The following SYCP2 variants were observed in gnomAD, a reference collection of about 807,000 sequenced individuals.
SYCP2 encodes synaptonemal complex lateral element protein.
SYCP2 carries 55 observed loss-of-function variants against 211.3 expected under a neutral mutation model. The ratio of observed to expected loss-of-function variants is 0.26; its 90% CI spans 0.21 to 0.33. SYCP2 has a LOEUF of 0.33. Among genes scored for constraint, SYCP2 ranks in the 10% least tolerant of loss-of-function variants. The probability of loss-of-function intolerance (pLI) is 1.00; values close to 1 mark genes in which losing one functional copy is unlikely to be tolerated. For missense variants in SYCP2, 1,731 were observed against 1,752.0 expected, an observed-to-expected ratio of 0.99 and a Z score of 0.21; for synonymous variants, 570 against 555.2, an observed-to-expected ratio of 1.03 and a Z score of -0.37.
intron 20 of SYCP2, among the ~76,000 whole-genome samples, chr20:59,894,924 T>C: frequency 6.6e-6 from 1 of 152,060 alleles, no homozygotes; most frequent in Middle Eastern, 3.2e-3. Flanking sequence ...CAAAAGTCAA[T>C]TCATTCTCCA....
Position 59,875,264 on chromosome 20 carries a change from T to C in SYCP2, c.3349+7A>G, listed in dbSNP as rs191825484. The C allele has an allele frequency of 9.1e-5, 143 of 1,573,300 alleles. No individual in the cohort carries two copies. The African/African-American group carries it at 1.7e-3, about 19-fold the overall frequency. ...TTCAAGTAAAGAAAAAACAAAGTTA[T>C]ACTGACATCTCGTTACTTCTATAGA... On this transcript the variant is annotated splice_region_variant and intron_variant, in intron 34 of 44. Coordinates refer to ENST00000357552, the MANE Select transcript of SYCP2 (RefSeq NM_014258.4).
In SYCP2 at chr20:59,875,468, T is replaced by C. The variant is rs536467009; in HGVS notation, c.3152A>G (p.Glu1051Gly). Residue 1051 changes from glutamate (E) to glycine (G), a missense_variant and splice_region_variant, in exon 34 of 45, where the codon GAG becomes GGG. By Grantham distance (98) the Glu-to-Gly change is moderately conservative. Coordinates refer to ENST00000357552, the MANE Select transcript of SYCP2 (RefSeq NM_014258.4). The stretch of plus-strand genomic sequence containing the variant: ...TTTCATTCTGGAATGGATATTCTCC[T>C]CCTAAATGTATCAATAACTTTCAAA... ...HSFKENIPVKEENIHSRMKTV... is the reference protein window; with the variant it reads ...HSFKENIPVKGENIHSRMKTV... 8 of 1,605,036 alleles carry C rather than the reference T, an allele frequency of 5.0e-6. No individual in the cohort carries two copies. The South Asian group carries it at 8.9e-5, about 18-fold the overall frequency.
chr20:59,881,822 T>C lies in SYCP2; in HGVS notation c.2658+123A>G, dbSNP rs6027166. On this transcript the variant is annotated intron_variant, in intron 28 of 44. Coordinates refer to ENST00000357552, the MANE Select transcript of SYCP2 (RefSeq NM_014258.4). ...AGGCTGGTTATCCAAAATATTATTA[T>C]ATATTTCTTAAAAATTTTAAAGCAT... 0.064 allele frequency: 41,547 copies of C among 652,188 alleles called. 3,769 individuals are homozygous for C. Among genetic ancestry groups the C allele is most frequent in the African/African-American group, 0.35 (18,394 of 52,840 alleles). 40.4% of individuals were successfully genotyped at this position (652,188 alleles called of 1,614,324 possible).
intron 2 of SYCP2, among the ~76,000 whole-genome samples, chr20:59,928,564 T>C (rs1194007356): frequency 6.6e-6 from 1 of 152,104 alleles, no homozygotes; most frequent in East Asian, 1.9e-4. Context: ...TTATTTGATA[T>C]TAAAACATAT....
At chr20:59,898,364 A>C (rs1211172590) in intron 18 of SYCP2, among the ~76,000 whole-genome samples, 3 of 152,232 alleles carry the variant, frequency 2.0e-5, no homozygotes, top group Non-Finnish European at 4.4e-5. Context: ...TGTGGCACAT[A>C]TACATCATGG....
chr20:59,905,449 T>C (rs1486798007), intron 15 of SYCP2, among the ~76,000 whole-genome samples: 1 of 152,138 alleles, frequency 6.6e-6, no homozygotes, highest in Non-Finnish European at 1.5e-5. Context: ...AAACTACTGA[T>C]ACATGCAACA....
At chr20:59,876,704 C>T (rs1244257441) in intron 33 of SYCP2, among the ~76,000 whole-genome samples, 1 of 151,962 alleles carries the variant, frequency 6.6e-6, no homozygotes, top group Non-Finnish European at 1.5e-5. Flanking sequence ...GATTTTTAGA[C>T]ATTAAATCTG....
intron 28 of SYCP2, 47 bp from the exon 29 acceptor site, chr20:59,881,539 A>C: frequency 1.1e-6 from 1 of 930,864 alleles, no homozygotes; most frequent in Admixed American, 3.2e-5. Flanking sequence ...TGTCAAAATA[A>C]AAAAGATTAA....
chr20:59,871,389 C>G (rs1185425104), intron 35 of SYCP2, among the ~76,000 whole-genome samples: 2 of 151,798 alleles, frequency 1.3e-5, no homozygotes, highest in African/African-American at 4.8e-5. Flanking sequence ...TAAGTAGGTT[C>G]AACTACCATA....
chr20:59,922,369 T>C (rs374066599), intron 3 of SYCP2, 21 bp downstream of exon 3: 2 of 1,566,528 alleles, frequency 1.3e-6, no homozygotes, highest in Non-Finnish European at 1.7e-6. Context: ...AAATACTTAC[T>C]TTTGGTCTAG....
intron 26 of SYCP2, among the ~76,000 whole-genome samples, chr20:59,883,807 A>C (rs2059733295): frequency 6.6e-6 from 1 of 152,114 alleles, no homozygotes; most frequent in African/African-American, 2.4e-5. Context: ...ATAGTATTGT[A>C]TAGTACACCA....
rs766867620 is a variant in SYCP2, at chr20:59,874,073, C to T, written c.3350-12G>A. On this transcript the variant is annotated splice_polypyrimidine_tract_variant and intron_variant, in intron 34 of 44. Transcript: ENST00000357552. ...TATTTTCTCTATACCTATATTGCAT[C>T]AAAATAAAAAAGAAAATAGATGGCA... is the stretch of plus-strand genomic sequence containing the variant. 13 of 1,469,282 alleles carry T rather than the reference C, an allele frequency of 8.8e-6. No homozygotes were observed. The Admixed American group carries it at 3.0e-4, about 34-fold the overall frequency. 91.0% of individuals were successfully genotyped at this position (1,469,282 alleles called of 1,614,324 possible).
chr20:59,874,890 C>A (rs1333666408), intron 34 of SYCP2, among the ~76,000 whole-genome samples: 1 of 151,702 alleles, frequency 6.6e-6, no homozygotes, highest in Non-Finnish European at 1.5e-5. Context: ...ATTCTTTGGA[C>A]TTTTGTTAAT....
At position 59,882,168 on chromosome 20, in the gene SYCP2, G is replaced by GA; in HGVS notation, c.2530-4dup. 2 of 1,605,672 alleles carry GA rather than the reference G, an allele frequency of 1.2e-6. No homozygotes were observed. Among genetic ancestry groups the GA allele is most frequent in the Non-Finnish European group, 1.7e-6 (2 of 1,173,966 alleles). On this transcript the variant is annotated splice_region_variant and splice_polypyrimidine_tract_variant and intron_variant, in intron 26 of 44. Coordinates refer to ENST00000357552, the MANE Select transcript of SYCP2 (RefSeq NM_014258.4). ...TAGCTTTTTTTCTGAACTTTTTCCT[G>GA]AAAAGAGGGTTATAAAAAAATCATT... is the stretch of plus-strand genomic sequence containing the variant.
chr20:59,866,919 A>C (rs931043540), intron 39 of SYCP2, among the ~76,000 whole-genome samples: 6 of 151,256 alleles, frequency 4.0e-5, no homozygotes, highest in African/African-American at 1.5e-4. Flanking sequence ...AATTTTTTAA[A>C]ACCATTTTTT....
chr20:59,900,626 T>G, intron 17 of SYCP2, 118 bp downstream of exon 17: 1 of 710,522 alleles, frequency 1.4e-6, no homozygotes, highest in East Asian at 2.7e-5. Context: ...GGGGTACTGT[T>G]TATATTGAGA....
intron 31 of SYCP2, among the ~76,000 whole-genome samples, chr20:59,879,826 T>TATATATATATATATATATATATAA (rs1568921775): frequency 5.4e-4 from 3 of 5,548 alleles, no homozygotes; most frequent in African/African-American, 8.0e-4. Context: ...TAAATAAATA[T>TATATATATATATATATATATATAA]ATATATATAT....
At chr20:59,907,121 G>A (rs143449120) in intron 15 of SYCP2, among the ~76,000 whole-genome samples, 32 of 152,230 alleles carry the variant, frequency 2.1e-4, no homozygotes, top group African/African-American at 7.0e-4. Flanking sequence ...TAAACATAGA[G>A]ACCAGAATGA....
At position 59,892,326 on chromosome 20, in the gene SYCP2, T is replaced by C; in HGVS notation, c.2028A>G (p.Gln676=). Residue 676 remains glutamine, a synonymous_variant, in exon 24 of 45, where the codon CAA becomes CAG. Transcript: ENST00000357552. ...GTGKVKYKKE[Q]TDHIKIDKAE... is the part of the protein sequence containing the mutation. ...CTTTATCTATTTTGATATGGTCGGT[T>C]TGTTCTTTCTTATATTTCACTTTTC... is the stretch of plus-strand genomic sequence containing the variant. 1 of 1,609,006 alleles carries C rather than the reference T, an allele frequency of 6.2e-7. No homozygotes were observed. Among genetic ancestry groups the C allele is most frequent in the Middle Eastern group, 1.7e-4 (1 of 6,038 alleles).
Sources: allele counts gnomAD v4.1 joint callset (sites outside exome capture counted in the v4.1 genomes callset), GRCh38; gene constraint gnomAD v4.1.1; transcripts MANE v1.5; gene names NCBI Gene and HGNC (gene_info 2026-07-23, HGNC 2026-07-21).